The following USP34 variants were observed in gnomAD, a reference collection of about 807,000 sequenced individuals.
USP34 encodes the protein ubiquitin carboxyl-terminal hydrolase 34.
USP34 carries 70 observed loss-of-function variants against 460.3 expected under a neutral mutation model. That is an observed-to-expected ratio of 0.15 (90% CI 0.13 to 0.19). The LOEUF (loss-of-function observed/expected upper bound fraction) is 0.19. Among genes scored for constraint, USP34 ranks in the 10% least tolerant of loss-of-function variants. The pLI is 1.00. For missense variants in USP34, 3,985 were observed against 4,236.2 expected, an observed-to-expected ratio of 0.94 and a Z score of 1.65; for synonymous variants, 1,647 against 1,405.3, an observed-to-expected ratio of 1.17 and a Z score of -3.85.
chr2:61,248,110 C>T (rs1688468592), intron 49 of USP34, among the ~76,000 whole-genome samples: 3 of 148,646 alleles, frequency 2.0e-5, no homozygotes, highest in African/African-American at 7.5e-5. Flanking sequence ...CTACTTGAAC[C>T]TGGGAGGTGG....
chr2:61,417,003 C>A, intron 2 of USP34: 1 of 1,327,916 alleles, frequency 7.5e-7, no homozygotes, highest in African/African-American at 1.4e-5. Flanking sequence ...CGGCATTGAA[C>A]TTGGTGAAGC....
intron 10 of USP34, among the ~76,000 whole-genome samples, chr2:61,361,068 G>C (rs1572967674): frequency 6.6e-6 from 1 of 152,246 alleles, no homozygotes; most frequent in East Asian, 1.9e-4. Flanking sequence ...AATAGAGTTG[G>C]AAGTATCACA....
intron 71 of USP34, 41 bp downstream of exon 71, chr2:61,206,719 T>G: frequency 1.4e-5 from 23 of 1,604,714 alleles, no homozygotes; most frequent in Non-Finnish European, 2.0e-5. Context: ...CTCTCTTTAC[T>G]AGTAGCACGA....
Position 61,349,275 on chromosome 2 carries a change from C to A in USP34, c.1518G>T (p.Glu506Asp). 6.2e-7 allele frequency: 1 copy of A among 1,613,214 alleles called. No individual in the cohort carries two copies. Among genetic ancestry groups the A allele is most frequent in the Non-Finnish European group, 8.5e-7 (1 of 1,179,684 alleles). Residue 506 changes from glutamate (E) to aspartate (D), a missense_variant, in exon 13 of 80, where the codon GAG becomes GAT. Transcript: ENST00000398571. Reference sequence around the variant, plus strand: ...AAGGTGATGGAGCTGTTCTTCTAAGCTCTTCTTCCTCTGAAGGAAAAGGAA... The same window carrying A: ...AAGGTGATGGAGCTGTTCTTCTAAGATCTTCTTCCTCTGAAGGAAAAGGAA... Reference protein sequence around the residue: ...IPIGNKKEEEELRRTAPSPWS... With the variant: ...IPIGNKKEEEDLRRTAPSPWS...
At chr2:61,417,025 C>T in intron 2 of USP34, 1 of 1,312,948 alleles carries the variant, frequency 7.6e-7, no homozygotes, top group Non-Finnish European at 1.1e-6. Flanking sequence ...CCACTTCTTC[C>T]AGATGTGGAT....
chr2:61,304,679 C>G (rs1249441842), intron 27 of USP34, among the ~76,000 whole-genome samples: 2 of 152,164 alleles, frequency 1.3e-5, no homozygotes, highest in Non-Finnish European at 2.9e-5. Flanking sequence ...CTTGGAATTC[C>G]CAGGTTCCAG....
intron 1 of USP34, among the ~76,000 whole-genome samples, chr2:61,466,179 C>A (rs1400783276): frequency 1.3e-5 from 2 of 151,924 alleles, no homozygotes; most frequent in African/African-American, 4.8e-5. Flanking sequence ...AATCCCAGCA[C>A]TTTGGGAGGC....
At chr2:61,303,359 G>A (rs1050052680) in intron 27 of USP34, among the ~76,000 whole-genome samples, 48 of 151,476 alleles carry the variant, frequency 3.2e-4, no homozygotes, top group African/African-American at 1.1e-3. Context: ...AGCCACCACG[G>A]CCCAGCCAGA....
chr2:61,215,591 C>T (rs2103795424), intron 67 of USP34, among the ~76,000 whole-genome samples: 2 of 152,262 alleles, frequency 1.3e-5, no homozygotes, highest in East Asian at 3.9e-4. Context: ...TCATTTAATC[C>T]TCACAATGAC....
chr2:61,453,807 A>C (rs772189587), intron 1 of USP34, among the ~76,000 whole-genome samples: 7 of 151,914 alleles, frequency 4.6e-5, no homozygotes, highest in African/African-American at 9.7e-5. Flanking sequence ...TTCTATGCTT[A>C]AAAATATTTT....
intron 5 of USP34, among the ~76,000 whole-genome samples, chr2:61,393,079 A>G (rs1220990645): frequency 6.6e-6 from 1 of 152,226 alleles, no homozygotes; most frequent in Non-Finnish European, 1.5e-5. Context: ...TTTAAACCTC[A>G]AAACAATCCT....
rs1219996804 is a variant in USP34, at chr2:61,232,542, A to G, written c.7033-10T>C. 1 of 1,597,768 alleles carries G rather than the reference A, an allele frequency of 6.3e-7. No individual in the cohort carries two copies. Among genetic ancestry groups the G allele is most frequent in the Non-Finnish European group, 8.5e-7 (1 of 1,174,112 alleles). On this transcript the variant is annotated splice_polypyrimidine_tract_variant and intron_variant, in intron 57 of 79. Transcript: ENST00000398571. ...TACGATCTAAAAACCACTGTTAAAA[A>G]AAAATACAGCATGACTTTAACATTC...
chr2:61,238,897 T>C (rs576416889), intron 53 of USP34, among the ~76,000 whole-genome samples: 29 of 152,196 alleles, frequency 1.9e-4, no homozygotes, highest in Non-Finnish European at 3.4e-4. Context: ...ATTTTTCTAA[T>C]AGCATGTGCT....
chr2:61,205,863 TTTTC>T (rs1337101652), intron 72 of USP34, among the ~76,000 whole-genome samples, 150 bp downstream of exon 72: 15 of 152,134 alleles, frequency 9.9e-5, no homozygotes, highest in African/African-American at 4.8e-5. Context: ...AGTTAAGAAA[TTTTC>T]TTTATTTTCT....
In USP34 at chr2:61,369,508, C is replaced by T. The variant is rs541997554; in HGVS notation, c.1251+813G>A. 4.4e-4 allele frequency among the ~76,000 whole-genome samples: 67 copies of T among 151,618 alleles called. No homozygotes were observed. The South Asian group carries it at 0.011, about 25-fold the overall frequency. Reference sequence around the variant, plus strand: ...AAATACAAAAATTAGCTGGGCGTGGCGGTGCATACCTATAGTCCTAGCTAT... The same window carrying T: ...AAATACAAAAATTAGCTGGGCGTGGTGGTGCATACCTATAGTCCTAGCTAT... On this transcript the variant is annotated intron_variant, in intron 10 of 79. Transcript: ENST00000398571.
intron 48 of USP34, among the ~76,000 whole-genome samples, chr2:61,254,220 G>T (rs1688661735): frequency 6.6e-6 from 1 of 152,092 alleles, no homozygotes; most frequent in Non-Finnish European, 1.5e-5. Context: ...TTCTTCTTGA[G>T]ATTCTCCTCC....
At chr2:61,412,984 T>C (rs986237215) in intron 2 of USP34, among the ~76,000 whole-genome samples, 1 of 150,698 alleles carries the variant, frequency 6.6e-6, no homozygotes, top group African/African-American at 2.4e-5. Context: ...GCAATAAATA[T>C]GGAGGTAAGG....
chr2:61,384,949 A>T (rs1298270513), intron 5 of USP34, among the ~76,000 whole-genome samples: 1 of 152,142 alleles, frequency 6.6e-6, no homozygotes, highest in Non-Finnish European at 1.5e-5. Context: ...TAATATAATT[A>T]TATAATTAGG....
chr2:61,212,057 G>T, intron 68 of USP34, 128 bp from the exon 69 acceptor site: 1 of 1,238,202 alleles, frequency 8.1e-7, no homozygotes, highest in Non-Finnish European at 1.1e-6. Flanking sequence ...CTTCCATTCA[G>T]AAAGTTATAA....
Sources: gnomAD v4.1 joint callset for allele counts (sites outside exome capture counted in the v4.1 genomes callset) on GRCh38, gnomAD v4.1.1 for gene constraint, MANE v1.5 for transcripts, NCBI Gene and HGNC (gene_info 2026-07-23, HGNC 2026-07-21) for gene names.